DENND4A: variants seen among roughly 807,000 people sequenced by gnomAD.
DENND4A encodes the protein C-myc promoter-binding protein.
In DENND4A, 70 loss-of-function variants were observed where a neutral mutation model predicts 199.3. The ratio of observed to expected loss-of-function variants is 0.35; its 90% CI spans 0.29 to 0.43. DENND4A has a LOEUF of 0.43. Among genes scored for constraint, DENND4A ranks in the 20% least tolerant of loss-of-function variants. The pLI, the probability that DENND4A is intolerant of heterozygous loss-of-function variation, is 1.00. For missense variants in DENND4A, 1,723 were observed against 2,255.8 expected (o/e 0.76, Z 4.78); for synonymous variants, 686 against 766.9 (o/e 0.89, Z 1.74).
chr15:65,701,221 G>A, intron 18 of DENND4A, 29 bp from the exon 19 acceptor site: 2 of 1,477,122 alleles, frequency 1.4e-6, no homozygotes, highest in East Asian at 2.5e-5. Flanking sequence ...AAAATAATTA[G>A]TAAAATAATT....
At chr15:65,711,264 GACT>G (rs1416077077) in intron 14 of DENND4A, among the ~76,000 whole-genome samples, 1 of 152,188 alleles carries the variant, frequency 6.6e-6, no homozygotes, top group Non-Finnish European at 1.5e-5. Flanking sequence ...CACTTCGGAA[GACT>G]ACTACAAGAG....
intron 13 of DENND4A, among the ~76,000 whole-genome samples, chr15:65,715,862 T>G (rs1229553469): frequency 6.6e-6 from 1 of 152,152 alleles, no homozygotes; most frequent in Admixed American, 6.5e-5. Flanking sequence ...TCTCACCATC[T>G]TAAAGATTAT....
At chr15:65,665,513 A>T (rs192164013) in intron 29 of DENND4A, 51 bp from the exon 30 acceptor site, 1 of 1,371,410 alleles carries the variant, frequency 7.3e-7, no homozygotes. Flanking sequence ...ATAATTTTTC[A>T]TAAGTATTTT....
Position 65,752,367 on chromosome 15 carries a change from T to G in DENND4A, c.561+12A>C. The G allele has an allele frequency of 1.4e-6, 2 of 1,473,010 alleles. No individual in the cohort carries two copies. The highest frequency in any genetic ancestry group is 1.2e-5 in the South Asian group (1 of 82,514). 91.2% of individuals were successfully genotyped at this position (1,473,010 alleles called of 1,614,324 possible). A position where few individuals can be genotyped will look rare whatever the true frequency, so the allele number is the denominator to read the frequency against. ...CAGTGGTTAATGTTACCAGTGCAAG[T>G]AAGTCACTTACCATACTGTTATTGA... On this transcript the variant is annotated intron_variant, in intron 4 of 32. Transcript: ENST00000443035.
At chr15:65,677,989 A>G (rs1000005880) in intron 23 of DENND4A, among the ~76,000 whole-genome samples, 2 of 136,382 alleles carry the variant, frequency 1.5e-5, no homozygotes, top group African/African-American at 5.6e-5. Flanking sequence ...GTGCAGTGGC[A>G]TGATCTTGGC....
At chr15:65,778,298 T>C (rs2077335986) in intron 1 of DENND4A, among the ~76,000 whole-genome samples, 1 of 151,610 alleles carries the variant, frequency 6.6e-6, no homozygotes, top group Non-Finnish European at 1.5e-5. Flanking sequence ...AAAAAGGGGG[T>C]GAGGTTTTTC....
intron 6 of DENND4A, 23 bp from the exon 7 acceptor site, chr15:65,737,968 A>G (rs1266157930): frequency 6.5e-7 from 1 of 1,547,118 alleles, no homozygotes. Context: ...TAATATATCC[A>G]GTAAATATAC....
chr15:65,689,854 T>C (rs2076912416), intron 23 of DENND4A, among the ~76,000 whole-genome samples: 1 of 152,226 alleles, frequency 6.6e-6, no homozygotes, highest in African/African-American at 2.4e-5. Context: ...TAGTGCTTCA[T>C]GCCCATAATG....
At chr15:65,723,380 A>C (rs1455562171) in intron 11 of DENND4A, among the ~76,000 whole-genome samples, 1 of 152,186 alleles carries the variant, frequency 6.6e-6, no homozygotes, top group Non-Finnish European at 1.5e-5. Context: ...TGATCCACAG[A>C]GCTTATCAAA....
intron 13 of DENND4A, 84 bp downstream of exon 13, chr15:65,717,686 CATAAATAT>C (rs1218004524): frequency 4.3e-6 from 5 of 1,151,056 alleles, no homozygotes; most frequent in Non-Finnish European, 4.8e-6. Flanking sequence ...TATGTATTCT[CATAAATAT>C]GAGCTATTAA....
chr15:65,728,907 C>T (rs1368866447), intron 11 of DENND4A, 165 bp downstream of exon 11: 3 of 714,824 alleles, frequency 4.2e-6, no homozygotes, highest in Admixed American at 2.1e-5. Context: ...AAATCTACTC[C>T]ATTGACGCAT....
chr15:65,701,166 T>G lies in DENND4A; in HGVS notation c.2586A>C (p.Ser862=). Residue 862 remains serine (S), a synonymous_variant, in exon 19 of 33, where the codon TCA becomes TCC. Coordinates refer to ENST00000443035, the MANE Select transcript of DENND4A (RefSeq NM_001320835.1). ...AAAGAAAATAGCCACTACGACTTCTTGAAGGCCAGGTACTTTCCAAAACAG... is the reference window on the plus strand; with the variant it reads ...AAAGAAAATAGCCACTACGACTTCTGGAAGGCCAGGTACTTTCCAAAACAG... The part of the protein sequence containing the change: ...NKAVLESTWP[S]RSRSGYFLWT... The G allele has an allele frequency of 3.1e-6, 5 of 1,606,628 alleles. No individual in the cohort carries two copies. The highest frequency in any genetic ancestry group is 4.2e-6 in the Non-Finnish European group (5 of 1,177,438).
chr15:65,670,929 TGGAA>T (rs1483616831), intron 25 of DENND4A, among the ~76,000 whole-genome samples: 1 of 152,248 alleles, frequency 6.6e-6, no homozygotes. Flanking sequence ...CAAATGTATT[TGGAA>T]GCAATTTTTA....
At chr15:65,688,636 A>T (rs1264666243) in intron 23 of DENND4A, among the ~76,000 whole-genome samples, 1 of 152,154 alleles carries the variant, frequency 6.6e-6, no homozygotes, top group Non-Finnish European at 1.5e-5. Flanking sequence ...GGGTAGGGTG[A>T]AACTTGTATG....
chr15:65,774,256 C>T (rs990172943), intron 1 of DENND4A, among the ~76,000 whole-genome samples: 23 of 151,862 alleles, frequency 1.5e-4, no homozygotes, highest in African/African-American at 5.6e-4. Flanking sequence ...TTTGGGAGGC[C>T]AAGGAGGGTG....
chr15:65,719,550 G>A (rs901901924), intron 12 of DENND4A, among the ~76,000 whole-genome samples: 9 of 151,942 alleles, frequency 5.9e-5, no homozygotes, highest in Non-Finnish European at 1.0e-4. Flanking sequence ...ATATAAGGAC[G>A]CAATGAGAGA....
At chr15:65,676,308 T>C (rs1243171364) in intron 24 of DENND4A, 137 bp downstream of exon 24, 3 of 745,896 alleles carry the variant, frequency 4.0e-6, no homozygotes, top group African/African-American at 3.6e-5. Context: ...CTTGGTTTTA[T>C]TGTTTTGACT....
intron 14 of DENND4A, 97 bp downstream of exon 14, chr15:65,715,375 TAATTTC>T: frequency 3.5e-6 from 4 of 1,157,978 alleles, no homozygotes; most frequent in Non-Finnish European, 4.6e-6. Context: ...AAAATGAAAT[TAATTTC>T]AATTTCATTA....
chr15:65,735,412 C>CA (rs1274495719), intron 7 of DENND4A, among the ~76,000 whole-genome samples: 1 of 152,040 alleles, frequency 6.6e-6, no homozygotes, highest in Non-Finnish European at 1.5e-5. Flanking sequence ...AACAAGCAAA[C>CA]AAAAAATTAT....
Sources: allele counts gnomAD v4.1 joint callset (sites outside exome capture counted in the v4.1 genomes callset), GRCh38; gene constraint gnomAD v4.1.1; transcripts MANE v1.5; gene names NCBI Gene and HGNC (gene_info 2026-07-23, HGNC 2026-07-21).